The following GRID1 variants were observed in gnomAD, a reference collection of about 807,000 sequenced individuals.
GRID1 encodes the protein glutamate ionotropic receptor delta type subunit 1.
A neutral mutation model predicts 98.0 loss-of-function variants in GRID1; 28 were observed. The ratio of observed to expected loss-of-function variants is 0.29; its 90% CI spans 0.21 to 0.39. The LOEUF is 0.39. GRID1 is among the 10% of genes least tolerant of loss of function. The pLI is 1.00. For synonymous variants in GRID1, 553 were observed against 538.5 expected (o/e 1.03, Z -0.37); for missense variants, 1,111 against 1,340.5 (o/e 0.83, Z 2.67).
At chr10:85,804,718 T>C (rs1842606847) in intron 8 of GRID1, among the ~76,000 whole-genome samples, 2 of 151,886 alleles carry the variant, frequency 1.3e-5, no homozygotes, top group Admixed American at 1.3e-4. Context: ...ATTAACAGAA[T>C]AAGGCAACAA....
At chr10:86,250,399 A>C (rs1846802053) in intron 2 of GRID1, among the ~76,000 whole-genome samples, 1 of 152,250 alleles carries the variant, frequency 6.6e-6, no homozygotes, top group African/African-American at 2.4e-5. Flanking sequence ...TCTTGGAAGA[A>C]GAGCCATTCA....
intron 3 of GRID1, among the ~76,000 whole-genome samples, chr10:86,175,602 G>A (rs1032535152): frequency 5.3e-5 from 8 of 152,272 alleles, no homozygotes; most frequent in Middle Eastern, 3.4e-3. Flanking sequence ...CTGTTAACCC[G>A]GTGGTTGACA....
chr10:85,668,088 T>G (rs142014272), intron 12 of GRID1, among the ~76,000 whole-genome samples: 3,759 of 152,288 alleles, frequency 0.025, 92 homozygotes, highest in Non-Finnish European at 0.036. Context: ...ATAAGGTGCA[T>G]TAGCCATGTG....
intron 4 of GRID1, among the ~76,000 whole-genome samples, chr10:85,974,692 G>C (rs1358409460): frequency 6.6e-6 from 1 of 152,202 alleles, no homozygotes; most frequent in Non-Finnish European, 1.5e-5. Flanking sequence ...TCTGCAACCA[G>C]TCAGTGCTCC....
intron 2 of GRID1, among the ~76,000 whole-genome samples, chr10:86,276,657 T>G (rs1162249075): frequency 6.6e-6 from 1 of 151,966 alleles, no homozygotes; most frequent in African/African-American, 2.4e-5. Context: ...ACCTAGCAAA[T>G]TTTTGTAGTT....
intron 4 of GRID1, among the ~76,000 whole-genome samples, chr10:86,113,714 T>G (rs1380807599): frequency 6.6e-6 from 1 of 152,234 alleles, no homozygotes; most frequent in African/African-American, 2.4e-5. Context: ...CAGTAACTAC[T>G]GATGAACTCA....
intron 5 of GRID1, among the ~76,000 whole-genome samples, chr10:85,893,000 T>C (rs1462123354): frequency 6.6e-6 from 1 of 152,136 alleles, no homozygotes; most frequent in Non-Finnish European, 1.5e-5. Context: ...ATACTTTAGC[T>C]AAAATATTTT....
chr10:86,073,670 A>G (rs546781545), intron 4 of GRID1, among the ~76,000 whole-genome samples: 19 of 152,318 alleles, frequency 1.2e-4, no homozygotes, highest in African/African-American at 4.3e-4. Flanking sequence ...TGAGCTCCGG[A>G]TCATAAGGTG....
At chr10:85,796,492 G>C (rs1051107217) in intron 8 of GRID1, among the ~76,000 whole-genome samples, 24 of 152,112 alleles carry the variant, frequency 1.6e-4, no homozygotes, top group Non-Finnish European at 2.9e-4. Flanking sequence ...CTTATGTAAT[G>C]CCACAAGAAG....
At chr10:86,039,566 T>G (rs1480483607) in intron 4 of GRID1, among the ~76,000 whole-genome samples, 1 of 152,084 alleles carries the variant, frequency 6.6e-6, no homozygotes, top group Non-Finnish European at 1.5e-5. Context: ...ACCTGCTTGG[T>G]GAGAAGGGAA....
At chr10:86,306,111 C>A (rs1847755468) in intron 2 of GRID1, among the ~76,000 whole-genome samples, 1 of 152,210 alleles carries the variant, frequency 6.6e-6, no homozygotes, top group African/African-American at 2.4e-5. Context: ...GGAGGAAAAG[C>A]CTTCAGGGAT....
At chr10:85,960,595 A>G (rs1271583477) in intron 4 of GRID1, among the ~76,000 whole-genome samples, 2 of 152,158 alleles carry the variant, frequency 1.3e-5, no homozygotes, top group Non-Finnish European at 2.9e-5. Flanking sequence ...ATACATTTCC[A>G]CCAGCCAAGG....
At chr10:86,021,065 TGCCTGC>T in intron 4 of GRID1, among the ~76,000 whole-genome samples, 1 of 151,910 alleles carries the variant, frequency 6.6e-6, no homozygotes, top group African/African-American at 2.4e-5. Flanking sequence ...CCTGCCTGCC[TGCCTGC>T]CTGGGAGGAC....
At chr10:86,108,826 C>T (rs144960655) in intron 4 of GRID1, among the ~76,000 whole-genome samples, 1 of 152,332 alleles carries the variant, frequency 6.6e-6, no homozygotes, top group East Asian at 1.9e-4. Flanking sequence ...CACACCAATG[C>T]CTGTGAGTCT....
intron 5 of GRID1, among the ~76,000 whole-genome samples, chr10:85,879,734 A>G (rs1428611782): frequency 1.3e-5 from 2 of 152,222 alleles, no homozygotes; most frequent in Non-Finnish European, 2.9e-5. Flanking sequence ...GAGCAAATAC[A>G]TTCAAAAGCT....
chr10:85,735,123 G>A (rs1841866050), intron 8 of GRID1, among the ~76,000 whole-genome samples: 1 of 152,166 alleles, frequency 6.6e-6, no homozygotes, highest in Non-Finnish European at 1.5e-5. Flanking sequence ...ACATGAGTGA[G>A]TCTACTCTGA....
rs1286079379 is a variant in GRID1 at position 86,206,818 on chromosome 10, G to A, written c.236-170C>T. Among the ~76,000 whole-genome samples the A allele has an allele frequency of 6.6e-6, 1 of 152,214 alleles. No individual in the cohort carries two copies. Among genetic ancestry groups the A allele is most frequent in the Non-Finnish European group, 1.5e-5 (1 of 68,026 alleles). On this transcript the variant is annotated intron_variant, in intron 2 of 15. Transcript: ENST00000327946. This position sits in a 1 kb window ranked among gnomAD's most constrained non-coding sequence, Gnocchi z 4.1. ...CAGGCCAGTGGCTCTCATAAGCACA[G>A]CCTCACTGACATCCTTGGTGAAAAT... is the stretch of plus-strand genomic sequence containing the variant.
At chr10:86,114,318 C>T (rs1289215523) in intron 4 of GRID1, among the ~76,000 whole-genome samples, 1 of 152,114 alleles carries the variant, frequency 6.6e-6, no homozygotes, top group Non-Finnish European at 1.5e-5. Flanking sequence ...TGCTTTCCTC[C>T]AGGGACACAA....
chr10:86,302,941 T>G (rs931232446), intron 2 of GRID1, among the ~76,000 whole-genome samples: 1 of 152,244 alleles, frequency 6.6e-6, no homozygotes, highest in Non-Finnish European at 1.5e-5. Context: ...CACACAGAAG[T>G]CTGACAAACA....
Sources: gnomAD v4.1 joint callset for allele counts (sites outside exome capture counted in the v4.1 genomes callset) on GRCh38, gnomAD v4.1.1 for gene constraint, Gnocchi (gnomAD v3.1) non-coding constraint, MANE v1.5 for transcripts, NCBI Gene and HGNC (gene_info 2026-07-23, HGNC 2026-07-21) for gene names.